Variants in TWIST2 observed in about 807,000 individuals in gnomAD.
TWIST2 encodes twist family bHLH transcription factor 2.
TWIST2 carries 1 observed loss-of-function variant against 11.6 expected under a neutral mutation model. The observed-to-expected ratio is 0.09, with a 90% confidence interval of 0.03 to 0.41. The LOEUF is 0.41. TWIST2 is among the 10% of genes least tolerant of loss of function. The pLI, the probability that TWIST2 is intolerant of heterozygous loss-of-function variation, is 0.98. For missense variants in TWIST2, 168 were observed against 226.4 expected, an observed-to-expected ratio of 0.74 and a Z score of 1.66; for synonymous variants, 87 against 96.6, an observed-to-expected ratio of 0.90 and a Z score of 0.58.
At chr2:238,875,404 A>G (rs1411097888) in intron 1 of TWIST2, among the ~76,000 whole-genome samples, 4 of 152,118 alleles carry the variant, frequency 2.6e-5, no homozygotes, top group East Asian at 1.9e-4. Context: ...CTGAGCTTCC[A>G]GCAGCTTTCT....
At position 238,863,255 on chromosome 2, in the gene TWIST2, G is replaced by A. The variant is rs567787388; in HGVS notation, c.*35+14522G>A. 3.3e-5 allele frequency among the ~76,000 whole-genome samples: 5 copies of A among 152,184 alleles called. No individual in the cohort carries two copies. In the East Asian group the frequency reaches 5.8e-4, roughly 18 times the overall value. ...CCATCCACATAGGAATGCCCTCACC[G>A]CAACCCCCACTCGGTGTTAGGACTT... On this transcript the variant is annotated intron_variant, in intron 1 of 1. Transcript: ENST00000612363. The surrounding 1 kb of genome is among the most constrained non-coding windows in gnomAD (Gnocchi z 4.7).
rs1282565167 is a variant in TWIST2 at position 238,848,587 on chromosome 2, C to G, written c.372C>G (p.Asp124Glu). Residue 124 changes from aspartate (D) to glutamate (E), a missense_variant, in exon 1 of 2, where the codon GAC becomes GAG. This residue lies in a region of TWIST2 where 62 missense variants were observed against 75.3 expected (regional missense o/e 0.82). Coordinates refer to ENST00000612363, the MANE Select transcript of TWIST2 (RefSeq NM_001271893.4). Reference sequence around the variant, plus strand: ...TCCTCTACCAGGTCCTGCAGAGCGACGAGATGGACAATAAGATGACCAGCT... The same window carrying G: ...TCCTCTACCAGGTCCTGCAGAGCGAGGAGATGGACAATAAGATGACCAGCT... ...IDFLYQVLQS[D>E]EMDNKMTSCS... is the part of the protein sequence containing the mutation. The G allele has an allele frequency of 1.3e-6, 2 of 1,572,064 alleles. No homozygotes were observed. Among genetic ancestry groups the G allele is most frequent in the Non-Finnish European group, 1.7e-6 (2 of 1,163,504 alleles).
At chr2:238,907,070 C>T (rs1249983586) in intron 1 of TWIST2, among the ~76,000 whole-genome samples, 2 of 152,208 alleles carry the variant, frequency 1.3e-5, no homozygotes, top group Non-Finnish European at 2.9e-5. Flanking sequence ...GCGATCCCTG[C>T]TAGAGCTCAG....
At chr2:238,884,240 C>T (rs1181067674) in intron 1 of TWIST2, among the ~76,000 whole-genome samples, 1 of 152,178 alleles carries the variant, frequency 6.6e-6, no homozygotes, top group Non-Finnish European at 1.5e-5. Context: ...GCCAAGTCTG[C>T]CCCAGGGATC....
intron 1 of TWIST2, among the ~76,000 whole-genome samples, chr2:238,874,537 C>T (rs1325391902): frequency 2.0e-5 from 3 of 152,164 alleles, no homozygotes; most frequent in East Asian, 1.9e-4. Context: ...CCTGGTTGGA[C>T]GACTCTCTCC....
chr2:238,900,333 A>T, intron 1 of TWIST2, among the ~76,000 whole-genome samples: 1 of 152,190 alleles, frequency 6.6e-6, no homozygotes, highest in East Asian at 1.9e-4. Context: ...CTGGGGACCC[A>T]CAGATGTGCC....
chr2:238,848,632 G>A lies in TWIST2; in HGVS notation c.417G>A (p.Glu139=), dbSNP rs559021804. The change falls in exon 1 of 2, where the codon GAG becomes GAA. Residue 139 remains glutamate (E), a synonymous_variant. Transcript: ENST00000612363. ...CCAGCTGCAGCTACGTGGCCCACGA[G>A]CGCCTCAGCTACGCCTTCTCCGTGT... is the stretch of plus-strand genomic sequence containing the variant. ...KMTSCSYVAH[E]RLSYAFSVWR... is the part of the protein sequence containing the mutation. 9.1e-6 allele frequency: 14 copies of A among 1,541,682 alleles called. No individual in the cohort carries two copies. In the South Asian group the frequency reaches 1.5e-4, roughly 17 times the overall value.
chr2:238,893,085 A>G (rs1313580277), intron 1 of TWIST2, among the ~76,000 whole-genome samples: 6 of 152,192 alleles, frequency 3.9e-5, no homozygotes, highest in African/African-American at 1.4e-4. Flanking sequence ...CCTCTGCCAC[A>G]CCTTCAGCTG....
intron 1 of TWIST2, among the ~76,000 whole-genome samples, chr2:238,902,036 G>A (rs1693273746): frequency 6.6e-6 from 1 of 152,276 alleles, no homozygotes; most frequent in South Asian, 2.1e-4. Context: ...AAAGCTCAGG[G>A]TAATGAATGT....
At chr2:238,860,830 C>T (rs184824419) in intron 1 of TWIST2, among the ~76,000 whole-genome samples, 15 of 152,110 alleles carry the variant, frequency 9.9e-5, no homozygotes, top group African/African-American at 3.1e-4. Flanking sequence ...CCCAGCTACT[C>T]GGGAGGCTGA....
At position 238,866,053 on chromosome 2, in the gene TWIST2, A is replaced by C. The variant is rs1321933092; in HGVS notation, c.*35+17320A>C. On this transcript the variant is annotated intron_variant, in intron 1 of 1. Transcript: ENST00000612363. This position sits in a 1 kb window ranked among gnomAD's most constrained non-coding sequence, Gnocchi z 4.9. Reference sequence around the variant, plus strand: ...TCTGACTCCGTCGCTTAACCTGTTAATGGAATAGCATGGACGATGCACCCC... The same window carrying C: ...TCTGACTCCGTCGCTTAACCTGTTACTGGAATAGCATGGACGATGCACCCC... Among the ~76,000 whole-genome samples, 2 of 152,138 alleles carry C rather than the reference A, an allele frequency of 1.3e-5. No homozygotes were observed. The highest frequency in any genetic ancestry group is 3.9e-4 in the East Asian group (2 of 5,178).
intron 1 of TWIST2, among the ~76,000 whole-genome samples, chr2:238,882,404 T>C (rs1692953702): frequency 6.6e-6 from 1 of 152,198 alleles, no homozygotes; most frequent in African/African-American, 2.4e-5. Context: ...AGTACTTTTT[T>C]CCACTTTTAG....
At chr2:238,894,217 C>G (rs1225734218) in intron 1 of TWIST2, among the ~76,000 whole-genome samples, 1 of 152,188 alleles carries the variant, frequency 6.6e-6, no homozygotes, top group Non-Finnish European at 1.5e-5. Context: ...TTCCGGGGTT[C>G]CCAGCATGTC....
intron 1 of TWIST2, among the ~76,000 whole-genome samples, chr2:238,854,903 C>T (rs535807491): frequency 1.5e-4 from 21 of 142,804 alleles, no homozygotes; most frequent in African/African-American, 5.5e-4. Flanking sequence ...AAGCAGGCAG[C>T]GTTTTCTTTG....
intron 1 of TWIST2, among the ~76,000 whole-genome samples, chr2:238,885,420 A>C (rs1424410669): frequency 6.6e-6 from 1 of 152,244 alleles, no homozygotes; most frequent in Non-Finnish European, 1.5e-5. Flanking sequence ...GGGAAGAATC[A>C]GCCCAGAAAT....
intron 1 of TWIST2, among the ~76,000 whole-genome samples, chr2:238,901,075 T>C (rs1365239068): frequency 1.3e-5 from 2 of 150,882 alleles, no homozygotes; most frequent in Non-Finnish European, 2.9e-5. Flanking sequence ...CCTCCCAGGT[T>C]CAAGTGTTCC....
intron 1 of TWIST2, among the ~76,000 whole-genome samples, chr2:238,882,841 G>C (rs559300564): frequency 6.6e-6 from 1 of 152,252 alleles, no homozygotes; most frequent in South Asian, 2.1e-4. Context: ...CAAAGTCAAA[G>C]GATGCTTTCT....
intron 1 of TWIST2, among the ~76,000 whole-genome samples, chr2:238,872,520 C>T (rs184188542): frequency 6.6e-5 from 10 of 152,170 alleles, no homozygotes; most frequent in African/African-American, 1.4e-4. Context: ...TTTTGGCCAA[C>T]GCTGTGCAGG....
chr2:238,853,723 G>C (rs536856289), intron 1 of TWIST2, among the ~76,000 whole-genome samples: 1 of 152,308 alleles, frequency 6.6e-6, no homozygotes, highest in South Asian at 2.1e-4. Flanking sequence ...TTCGAAAAGA[G>C]ACTTGGATCT....
Sources: gnomAD v4.1 joint callset for allele counts (sites outside exome capture counted in the v4.1 genomes callset) on GRCh38, gnomAD v4.1.1 for gene constraint, gnomAD v4.1.1 regional missense constraint, Gnocchi (gnomAD v3.1) non-coding constraint, MANE v1.5 for transcripts, NCBI Gene and HGNC (gene_info 2026-07-23, HGNC 2026-07-21) for gene names.